DYNC2H1: variants seen among roughly 807,000 people sequenced by gnomAD.
DYNC2H1 encodes cytoplasmic dynein 2 heavy chain 1.
Under a neutral mutation model 570.0 loss-of-function variants are expected in DYNC2H1, and 410 were observed. That is an observed-to-expected ratio of 0.72 (90% confidence interval 0.66 to 0.78). The LOEUF (loss-of-function observed/expected upper bound fraction) is 0.78, where lower values mean the gene tolerates loss of function less well. Ranked by LOEUF, DYNC2H1 falls within the 30% of genes least tolerant of loss-of-function variation. DYNC2H1 has a pLI of 0.00. For missense variants in DYNC2H1, 4,865 were observed against 5,046.4 expected (o/e 0.96, Z 1.09); for synonymous variants, 1,688 against 1,677.6 (o/e 1.01, Z -0.15).
chr11:103,233,830 A>ATGTGTGTGTGTG (rs745355739), intron 60 of DYNC2H1, among the ~76,000 whole-genome samples: 1 of 75,840 alleles, frequency 1.3e-5, no homozygotes, highest in Non-Finnish European at 3.1e-5. Context: ...GCTACACTTT[A>ATGTGTGTGTGTG]TGTGTGTGTG....
chr11:103,417,313 GGAT>G (rs1306422894), intron 84 of DYNC2H1, among the ~76,000 whole-genome samples: 14 of 152,086 alleles, frequency 9.2e-5, no homozygotes, highest in East Asian at 3.9e-4. Context: ...ATGTTGGTCA[GGAT>G]GGTCTCGATC....
At chr11:103,112,481 T>C (rs1277064656) in intron 1 of DYNC2H1, among the ~76,000 whole-genome samples, 1 of 152,346 alleles carries the variant, frequency 6.6e-6, no homozygotes, top group Admixed American at 6.5e-5. Flanking sequence ...CAGCTACAAC[T>C]TGGCCTTTGT....
intron 75 of DYNC2H1, among the ~76,000 whole-genome samples, chr11:103,298,383 A>G (rs1037129117): frequency 1.3e-5 from 2 of 152,010 alleles, no homozygotes; most frequent in African/African-American, 4.8e-5. Flanking sequence ...TTTGTGCCAC[A>G]TGGCACATAA....
In DYNC2H1 at chr11:103,397,269, A is replaced by G. The variant is rs1942438079; in HGVS notation, c.12157-2394A>G. 8.5e-5 allele frequency among the ~76,000 whole-genome samples: 13 copies of G among 152,176 alleles called. No individual in the cohort carries two copies. In the South Asian group the frequency reaches 2.7e-3, roughly 32 times the overall value. On this transcript the variant is annotated intron_variant, in intron 83 of 88. Transcript: ENST00000375735. Reference sequence around the variant, plus strand: ...GATGAACTTTAAAATGTCAAAAGCAATCCTTCAAAAATATACAATTCAATC... The same window carrying G: ...GATGAACTTTAAAATGTCAAAAGCAGTCCTTCAAAAATATACAATTCAATC...
intron 65 of DYNC2H1, among the ~76,000 whole-genome samples, chr11:103,246,970 T>C (rs1423684741): frequency 1.3e-5 from 2 of 151,990 alleles, no homozygotes; most frequent in Non-Finnish European, 2.9e-5. Context: ...GGTATACTTC[T>C]TCAAATTCTC....
rs988543923 is a variant in DYNC2H1, at chr11:103,252,497, A to G, written c.10043-788A>G. On this transcript the variant is annotated intron_variant, in intron 65 of 88. Coordinates refer to ENST00000375735, the MANE Select transcript of DYNC2H1 (RefSeq NM_001377.3). This position sits in a 1 kb window ranked among gnomAD's most constrained non-coding sequence, Gnocchi z 4.6. ...ACAATTCCCTTTTCTCCGTATCTTC[A>G]TCAACATTTGTTATCTCTTGTCTTT... 2.0e-5 allele frequency among the ~76,000 whole-genome samples: 3 copies of G among 152,114 alleles called. No individual in the cohort carries two copies. The highest frequency in any genetic ancestry group is 4.4e-5 in the Non-Finnish European group (3 of 68,012).
At chr11:103,242,505 A>G (rs1443100254) in intron 63 of DYNC2H1, among the ~76,000 whole-genome samples, 1 of 152,188 alleles carries the variant, frequency 6.6e-6, no homozygotes, top group Non-Finnish European at 1.5e-5. Context: ...TCTGACTTTC[A>G]TATGTGTTCT....
chr11:103,343,355 T>A (rs11225734), intron 82 of DYNC2H1, among the ~76,000 whole-genome samples: 1 of 152,006 alleles, frequency 6.6e-6, no homozygotes, highest in Non-Finnish European at 1.5e-5. Context: ...AAGGCTAGTC[T>A]CGCTTCTAAA....
intron 18 of DYNC2H1, 55 bp downstream of exon 18, chr11:103,143,450 G>T: frequency 6.7e-7 from 1 of 1,496,820 alleles, no homozygotes; most frequent in Non-Finnish European, 8.9e-7. Context: ...GACATGGACA[G>T]TAAGGGAGCT....
chr11:103,163,127 C>T lies in DYNC2H1; in HGVS notation c.4591C>T (p.Pro1531Ser). ...GCGAAGTTCTCAAGGTGCAGTTGAC[C>T]CATCTCTGTTCCCTTCACAGGTAAG... ...TGRSSQGAVD[P>S]SLFPSQILCL... Residue 1531 changes from proline to serine, a missense_variant, in exon 30 of 89, where the codon CCA becomes TCA. Transcript: ENST00000375735. The surrounding 1 kb of genome is among the most constrained non-coding windows in gnomAD (Gnocchi z 4.6). The T allele has an allele frequency of 1.2e-6, 2 of 1,612,022 alleles. No individual in the cohort carries two copies. Among genetic ancestry groups the T allele is most frequent in the Non-Finnish European group, 1.7e-6 (2 of 1,178,648 alleles).
intron 85 of DYNC2H1, among the ~76,000 whole-genome samples, chr11:103,447,194 T>G (rs1445754399): frequency 6.6e-6 from 1 of 152,130 alleles, no homozygotes; most frequent in East Asian, 1.9e-4. Flanking sequence ...ATATTGAGCC[T>G]AGAAACCCAG....
At chr11:103,416,506 C>A (rs1406529117) in intron 84 of DYNC2H1, among the ~76,000 whole-genome samples, 3 of 152,106 alleles carry the variant, frequency 2.0e-5, no homozygotes, top group Non-Finnish European at 2.9e-5. Flanking sequence ...AATAATGCCA[C>A]ATATCTACAA....
intron 82 of DYNC2H1, among the ~76,000 whole-genome samples, chr11:103,328,683 A>C (rs571514627): frequency 6.6e-6 from 1 of 152,344 alleles, no homozygotes; most frequent in African/African-American, 2.4e-5. Context: ...AGTTGTATCT[A>C]TCTACTGCAA....
At chr11:103,183,927 A>T (rs771559673) in intron 40 of DYNC2H1, among the ~76,000 whole-genome samples, 10 of 151,978 alleles carry the variant, frequency 6.6e-5, no homozygotes, top group Non-Finnish European at 1.2e-4. Flanking sequence ...TAAGGATTGT[A>T]TTCCTTACCA....
At chr11:103,188,080 A>T (rs1326785887) in intron 43 of DYNC2H1, among the ~76,000 whole-genome samples, 1 of 152,110 alleles carries the variant, frequency 6.6e-6, no homozygotes, top group South Asian at 2.1e-4. Flanking sequence ...ATTAGAAGCT[A>T]TAAATTCTTA....
chr11:103,223,141 G>T, intron 59 of DYNC2H1, 55 bp downstream of exon 59: 1 of 1,467,206 alleles, frequency 6.8e-7, no homozygotes. Context: ...TCAGTTTGAT[G>T]AGGTTTTAAT....
intron 83 of DYNC2H1, among the ~76,000 whole-genome samples, chr11:103,392,325 G>A (rs747865498): frequency 6.6e-6 from 1 of 152,202 alleles, no homozygotes; most frequent in Non-Finnish European, 1.5e-5. Context: ...CTCCTGGTGT[G>A]CCGTTTGCTA....
intron 82 of DYNC2H1, among the ~76,000 whole-genome samples, chr11:103,332,617 A>G (rs1435231026): frequency 6.6e-6 from 1 of 152,236 alleles, no homozygotes; most frequent in Non-Finnish European, 1.5e-5. Flanking sequence ...TCAAGTCAGA[A>G]GATAATGGAA....
At chr11:103,242,323 T>C (rs1325004878) in intron 63 of DYNC2H1, among the ~76,000 whole-genome samples, 1 of 152,122 alleles carries the variant, frequency 6.6e-6, no homozygotes, top group Non-Finnish European at 1.5e-5. Context: ...ACTATAACAG[T>C]ATACTGTAAT....
Sources: allele counts gnomAD v4.1 joint callset (sites outside exome capture counted in the v4.1 genomes callset), GRCh38; gene constraint gnomAD v4.1.1; non-coding constraint Gnocchi (gnomAD v3.1); transcripts MANE v1.5; gene names NCBI Gene and HGNC (gene_info 2026-07-23, HGNC 2026-07-21).